PCDHA11: variants seen among roughly 807,000 people sequenced by gnomAD.
The protein encoded by PCDHA11 is protocadherin alpha-11.
In PCDHA11, 61 loss-of-function variants were observed where a neutral mutation model predicts 70.3. The observed-to-expected ratio is 0.87, with a 90% confidence interval of 0.71 to 1.07. The LOEUF (loss-of-function observed/expected upper bound fraction) is 1.07, where lower values mean the gene tolerates loss of function less well. Among genes scored for constraint, PCDHA11 ranks in the 50% least tolerant of loss-of-function variants. PCDHA11 has a pLI of 0.00. For missense variants in PCDHA11, 1,324 were observed against 1,237.5 expected (o/e 1.07, Z -1.05); for synonymous variants, 633 against 555.1 (o/e 1.14, Z -1.97).
chr5:140,973,073 C>T (rs1372527958), intron 1 of PCDHA11, among the ~76,000 whole-genome samples: 1 of 151,988 alleles, frequency 6.6e-6, no homozygotes, highest in Non-Finnish European at 1.5e-5. Context: ...TCTCAGTGGG[C>T]CCAGCTGGCA....
intron 1 of PCDHA11, among the ~76,000 whole-genome samples, chr5:140,933,321 C>T (rs1266539168): frequency 2.6e-5 from 4 of 151,928 alleles, no homozygotes; most frequent in Non-Finnish European, 5.9e-5. Context: ...CTCGTATTCT[C>T]CTGTGCTGTA....
At chr5:141,009,271 A>G (rs1420991909) in intron 3 of PCDHA11, among the ~76,000 whole-genome samples, 15 of 152,156 alleles carry the variant, frequency 9.9e-5, no homozygotes, top group Admixed American at 6.5e-4. Context: ...CCTGGGCAAC[A>G]TAGTGAGATC....
In PCDHA11 at chr5:140,871,371, G is replaced by T; in HGVS notation, c.2268G>T (p.Arg756Ser). The T allele has an allele frequency of 6.2e-7, 1 of 1,614,202 alleles. No homozygotes were observed. Among genetic ancestry groups the T allele is most frequent in the Non-Finnish European group, 8.5e-7 (1 of 1,180,034 alleles). Reference protein sequence around the residue: ...SWSYSQQRRQRVCSEEGPPKT... With the variant: ...SWSYSQQRRQSVCSEEGPPKT... Reference sequence around the variant, plus strand: ...CATACTCGCAGCAGAGGCGGCAGAGGGTGTGCTCTGAGGAGGGCCCACCTA... The same window carrying T: ...CATACTCGCAGCAGAGGCGGCAGAGTGTGTGCTCTGAGGAGGGCCCACCTA... Residue 756 changes from arginine to serine, a missense_variant, in exon 1 of 4, where the codon AGG becomes AGT. By Grantham distance (110) the Arg-to-Ser change is moderately radical. Transcript: ENST00000398640.
At chr5:140,894,527 G>T (rs1184887485) in intron 1 of PCDHA11, among the ~76,000 whole-genome samples, 1 of 151,472 alleles carries the variant, frequency 6.6e-6, no homozygotes, top group African/African-American at 2.4e-5. Flanking sequence ...ATGCTGTTAT[G>T]TGCCTTCTGG....
intron 1 of PCDHA11, chr5:140,966,707 A>G (rs539562297): frequency 7.2e-7 from 1 of 1,379,868 alleles, no homozygotes; most frequent in Admixed American, 3.5e-5. Context: ...GGCGTGGGGC[A>G]CGGCTGGGGA....
chr5:140,870,388 G>C lies in PCDHA11; in HGVS notation c.1285G>C (p.Gly429Arg). 1 of 1,614,232 alleles carries C rather than the reference G, an allele frequency of 6.2e-7. No individual in the cohort carries two copies. Among genetic ancestry groups the C allele is most frequent in the Non-Finnish European group, 8.5e-7 (1 of 1,180,044 alleles). Reference protein sequence around the residue: ...AYELVVTARDGGSPSLWATAR... With the variant: ...AYELVVTARDRGSPSLWATAR... ...TGAACTGGTGGTGACTGCGCGGGAT[G>C]GGGGTTCGCCTTCTCTGTGGGCCAC... Residue 429 changes from glycine (G) to arginine (R), a missense_variant, in exon 1 of 4, where the codon GGG becomes CGG. By Grantham distance (125) the Gly-to-Arg change is moderately radical (BLOSUM62 -2). Coordinates refer to ENST00000398640, the MANE Select transcript of PCDHA11 (RefSeq NM_018902.5).
At chr5:140,917,206 T>G (rs1313611985) in intron 1 of PCDHA11, among the ~76,000 whole-genome samples, 1 of 152,104 alleles carries the variant, frequency 6.6e-6, no homozygotes, top group Admixed American at 6.5e-5. Context: ...CCCTCTTCAA[T>G]GCCTCTTTTA....
intron 1 of PCDHA11, among the ~76,000 whole-genome samples, chr5:140,964,683 G>T (rs2095848322): frequency 6.6e-6 from 1 of 151,914 alleles, no homozygotes; most frequent in South Asian, 2.1e-4. Flanking sequence ...CACAATTTGT[G>T]CACTTGAGAG....
chr5:140,947,277 T>C (rs1272482991), intron 1 of PCDHA11, among the ~76,000 whole-genome samples: 3 of 151,662 alleles, frequency 2.0e-5, no homozygotes, highest in African/African-American at 7.2e-5. Context: ...AAATACTTTT[T>C]CTTTTTATTG....
In PCDHA11 at chr5:140,883,748, C is replaced by T. The variant is rs782541066; in HGVS notation, c.2391+12254C>T. The T allele has an allele frequency of 4.3e-6, 7 of 1,613,146 alleles. No individual in the cohort carries two copies. The East Asian group carries it at 1.6e-4, about 36-fold the overall frequency. On this transcript the variant is annotated intron_variant, in intron 1 of 3. Transcript: ENST00000398640. ...GGAGAACGCGCTGGTCTCCTACTCG[C>T]TGGTGGAGCGGCGGGTGGGCGAGCG... is the stretch of plus-strand genomic sequence containing the variant.
At chr5:140,917,047 G>A (rs183820401) in intron 1 of PCDHA11, among the ~76,000 whole-genome samples, 11 of 152,262 alleles carry the variant, frequency 7.2e-5, no homozygotes, top group Admixed American at 5.2e-4. Context: ...GCACAGTGTT[G>A]TTCCCTGCTA....
chr5:140,982,566 A>C lies in PCDHA11; in HGVS notation c.2539+3A>C. 1.2e-6 allele frequency: 2 copies of C among 1,614,088 alleles called. No individual in the cohort carries two copies. Among genetic ancestry groups the C allele is most frequent in the Non-Finnish European group, 1.7e-6 (2 of 1,179,950 alleles). ...AACAGTATCCAGTGCAACACCAGGT[A>C]AAGAGCTGGGGTCTCTCCATTCTTT... is the stretch of plus-strand genomic sequence containing the variant. On this transcript the variant is annotated splice_donor_region_variant and intron_variant, in intron 3 of 3. Transcript: ENST00000398640.
Position 141,009,950 on chromosome 5 carries a change from G to C in PCDHA11, c.*13G>C, listed in dbSNP as rs782235440. On this transcript the variant is annotated 3_prime_UTR_variant, in exon 4 of 4. Coordinates refer to ENST00000398640, the MANE Select transcript of PCDHA11 (RefSeq NM_018902.5). ...CAGTGACCAGTGAGGTCCTCAAATGGAAACAAGCCACTTAGCCAGTTTTTG... is the reference window on the plus strand; with the variant it reads ...CAGTGACCAGTGAGGTCCTCAAATGCAAACAAGCCACTTAGCCAGTTTTTG... 12 of 1,593,098 alleles carry C rather than the reference G, an allele frequency of 7.5e-6. No individual in the cohort carries two copies. In the East Asian group the frequency reaches 2.5e-4, roughly 33 times the overall value.
chr5:140,983,340 A>AG (rs2097043854), intron 3 of PCDHA11, among the ~76,000 whole-genome samples: 1 of 152,240 alleles, frequency 6.6e-6, no homozygotes, highest in African/African-American at 2.4e-5. Flanking sequence ...TCACTAAAGC[A>AG]GGGTCATGTA....
chr5:140,890,439 A>C lies in PCDHA11; in HGVS notation c.2391+18945A>C, dbSNP rs114755692. On this transcript the variant is annotated intron_variant, in intron 1 of 3. Coordinates refer to ENST00000398640, the MANE Select transcript of PCDHA11 (RefSeq NM_018902.5). The stretch of plus-strand genomic sequence containing the variant: ...TATTTAGTTTATATTTACAATACCT[A>C]GTGATATCTTTAGGCACAAATATTT... 7.6e-3 allele frequency among the ~76,000 whole-genome samples: 1,153 copies of C among 152,326 alleles called. 6 individuals are homozygous for C. Among genetic ancestry groups the C allele is most frequent in the Non-Finnish European group, 0.013 (886 of 68,014 alleles).
intron 1 of PCDHA11, among the ~76,000 whole-genome samples, chr5:140,885,615 AAT>A (rs1411025177): frequency 6.6e-6 from 1 of 152,162 alleles, no homozygotes; most frequent in African/African-American, 2.4e-5. Context: ...TTAATTATAA[AAT>A]ATGTCACTGG....
At chr5:140,993,437 C>A (rs1193523462) in intron 3 of PCDHA11, among the ~76,000 whole-genome samples, 1 of 150,056 alleles carries the variant, frequency 6.7e-6, no homozygotes, top group Non-Finnish European at 1.5e-5. Context: ...AATCCTTATT[C>A]ATTCCTGTTC....
intron 3 of PCDHA11, among the ~76,000 whole-genome samples, chr5:140,996,553 A>C (rs868960335): frequency 1.3e-5 from 2 of 152,172 alleles, no homozygotes; most frequent in African/African-American, 2.4e-5. Flanking sequence ...TGCTGTCACT[A>C]TCTTGAAGTT....
intron 1 of PCDHA11, among the ~76,000 whole-genome samples, chr5:140,976,072 T>C (rs1193049661): frequency 6.6e-6 from 1 of 152,250 alleles, no homozygotes; most frequent in South Asian, 2.1e-4. Context: ...TGTCTTACTG[T>C]GTCAGATATA....
Sources: allele counts gnomAD v4.1 joint callset (sites outside exome capture counted in the v4.1 genomes callset), GRCh38; gene constraint gnomAD v4.1.1; transcripts MANE v1.5; gene names NCBI Gene and HGNC (gene_info 2026-07-23, HGNC 2026-07-21).